The following GPHN variants were observed in gnomAD, a reference collection of about 807,000 sequenced individuals.
GPHN encodes gephyrin.
GPHN carries 17 observed loss-of-function variants against 95.5 expected under a neutral mutation model. The ratio of observed to expected loss-of-function variants is 0.18; its 90% CI spans 0.12 to 0.27. The LOEUF is 0.27. Ranked by LOEUF, GPHN falls within the 10% of genes least tolerant of loss-of-function variation. The pLI, the probability that GPHN is intolerant of heterozygous loss-of-function variation, is 1.00. For missense variants in GPHN, 660 were observed against 978.1 expected (o/e 0.67, Z 4.34); for synonymous variants, 320 against 322.5 (o/e 0.99, Z 0.08).
At chr14:67,679,738 T>C in the GPHN span, among the ~76,000 whole-genome samples, 3 of 152,170 alleles carry the variant, frequency 2.0e-5, no homozygotes, top group Non-Finnish European at 4.4e-5. Context: ...ATAATTCCGA[T>C]GCAGAAAATT....
intron 10 of GPHN, among the ~76,000 whole-genome samples, chr14:67,046,005 A>G (rs114059842): frequency 3.3e-5 from 5 of 152,114 alleles, no homozygotes; most frequent in Non-Finnish European, 1.5e-5. Context: ...TTACATATTA[A>G]TAGAGACCCA....
the GPHN span, among the ~76,000 whole-genome samples, chr14:67,189,239 G>A: frequency 6.6e-6 from 1 of 152,112 alleles, no homozygotes; most frequent in African/African-American, 2.4e-5. Flanking sequence ...CCACCTGAAT[G>A]CCCACTCCTG....
chr14:66,604,778 G>C lies in GPHN; in HGVS notation c.65-76329G>C, dbSNP rs1466754796. ...GTATATTGCATGATGCTGAGGTTTG[G>C]GATATAGATGATCCTGTCACCCAGG... On this transcript the variant is annotated intron_variant, in intron 1 of 22. Transcript: ENST00000478722. 3.3e-5 allele frequency among the ~76,000 whole-genome samples: 5 copies of C among 152,058 alleles called. No individual in the cohort carries two copies. The East Asian group carries it at 7.7e-4, about 24-fold the overall frequency.
At chr14:67,100,671 C>T (rs1255986750) in intron 12 of GPHN, among the ~76,000 whole-genome samples, 185 bp from the exon 13 acceptor site, 2 of 152,168 alleles carry the variant, frequency 1.3e-5, no homozygotes, top group African/African-American at 4.8e-5. Context: ...ATGTGAGTTG[C>T]GGATACCAAA....
intron 11 of GPHN, among the ~76,000 whole-genome samples, chr14:67,071,399 C>A (rs867798578): frequency 2.0e-5 from 3 of 151,752 alleles, no homozygotes; most frequent in Admixed American, 6.6e-5. Context: ...AACCAAACAC[C>A]GCATGTTCTC....
At chr14:66,839,578 A>G (rs966814050) in intron 4 of GPHN, among the ~76,000 whole-genome samples, 5 of 152,184 alleles carry the variant, frequency 3.3e-5, no homozygotes, top group African/African-American at 1.2e-4. Flanking sequence ...CAGAGAGAAT[A>G]TAATTGTTAG....
chr14:67,501,030 G>A, the GPHN span, among the ~76,000 whole-genome samples: 3 of 142,474 alleles, frequency 2.1e-5, no homozygotes, highest in Non-Finnish European at 4.5e-5. Flanking sequence ...AATGCCTCCA[G>A]GTATACTTGG....
chr14:66,689,016 A>G (rs2067594712), intron 2 of GPHN, among the ~76,000 whole-genome samples: 1 of 152,200 alleles, frequency 6.6e-6, no homozygotes, highest in Non-Finnish European at 1.5e-5. Context: ...ATACCTGTGT[A>G]ACACACCTGC....
At chr14:67,382,608 A>G in the GPHN span, 3 of 1,613,474 alleles carry the variant, frequency 1.9e-6, no homozygotes, top group African/African-American at 2.7e-5. Flanking sequence ...CAATAGATTC[A>G]TTTTTAATAA....
At chr14:66,836,987 C>T (rs1249878238) in intron 4 of GPHN, among the ~76,000 whole-genome samples, 4 of 146,804 alleles carry the variant, frequency 2.7e-5, no homozygotes, top group Admixed American at 2.7e-4. Flanking sequence ...CACTTTTACA[C>T]TGTTGGTGGG....
chr14:67,512,653 A>G, the GPHN span, among the ~76,000 whole-genome samples: 25 of 152,098 alleles, frequency 1.6e-4, no homozygotes, highest in Non-Finnish European at 2.4e-4. Flanking sequence ...GATAAGACCA[A>G]GCTGCCTCAC....
chr14:66,881,347 A>G (rs983249428), intron 5 of GPHN, among the ~76,000 whole-genome samples: 70 of 151,852 alleles, frequency 4.6e-4, no homozygotes, highest in African/African-American at 1.6e-3. Flanking sequence ...ACCTACACCA[A>G]TGAGGTCAGG....
chr14:66,519,938 T>C lies in GPHN; in HGVS notation c.64+11347T>C, dbSNP rs115662816. Among the ~76,000 whole-genome samples the C allele has an allele frequency of 3.6e-3, 542 of 152,238 alleles. 8 individuals carry two copies. Among genetic ancestry groups the C allele is most frequent in the African/African-American group, 0.012 (516 of 41,564 alleles). On this transcript the variant is annotated intron_variant, in intron 1 of 22. Coordinates refer to ENST00000478722, the MANE Select transcript of GPHN (RefSeq NM_020806.5). The stretch of plus-strand genomic sequence containing the variant: ...AACTTGCTCAAGTTAGTGCAGTAAA[T>C]GAACAGGCTGCAAATTGAATCTATG...
the GPHN span, among the ~76,000 whole-genome samples, chr14:67,267,594 C>T: frequency 1.4e-3 from 206 of 152,218 alleles, no homozygotes; most frequent in African/African-American, 4.6e-3. Flanking sequence ...ATTTTCAAAA[C>T]GGGTTTATTG....
At chr14:67,568,478 G>C in the GPHN span, among the ~76,000 whole-genome samples, 2 of 152,064 alleles carry the variant, frequency 1.3e-5, no homozygotes, top group African/African-American at 4.8e-5. Flanking sequence ...TTAGGGAAAA[G>C]AGCTAAAGCA....
intron 17 of GPHN, among the ~76,000 whole-genome samples, chr14:67,137,758 C>G (rs1056592141): frequency 1.3e-5 from 2 of 151,784 alleles, no homozygotes; most frequent in African/African-American, 4.8e-5. Context: ...GAGTGAGACC[C>G]TGTCTCAAAA....
At chr14:67,332,361 G>A in the GPHN span, among the ~76,000 whole-genome samples, 1,167 of 152,288 alleles carry the variant, frequency 7.7e-3, 14 homozygotes, top group African/African-American at 0.025. Flanking sequence ...AGAGCCAAAA[G>A]TAAATGGCAT....
the GPHN span, among the ~76,000 whole-genome samples, chr14:67,548,057 G>C: frequency 1.3e-5 from 2 of 152,174 alleles, no homozygotes; most frequent in Admixed American, 6.5e-5. Context: ...CTGATGACTT[G>C]AGATTCACAT....
chr14:67,207,185 C>T, the GPHN span, among the ~76,000 whole-genome samples: 3 of 151,912 alleles, frequency 2.0e-5, no homozygotes, highest in East Asian at 5.8e-4. Flanking sequence ...TGAGGCTGGG[C>T]AATTAATAAA....
Sources: allele counts gnomAD v4.1 joint callset (sites outside exome capture counted in the v4.1 genomes callset), GRCh38; gene constraint gnomAD v4.1.1; transcripts MANE v1.5; gene names NCBI Gene and HGNC (gene_info 2026-07-23, HGNC 2026-07-21).